HDAC9: variants seen among roughly 807,000 people sequenced by gnomAD.
The protein encoded by HDAC9 is histone deacetylase 9, also known as MEF-2 interacting transcription repressor (MITR) protein.
A neutral mutation model predicts 139.4 loss-of-function variants in HDAC9; 41 were observed. The ratio of observed to expected loss-of-function variants is 0.29; its 90% CI spans 0.23 to 0.38. The LOEUF (loss-of-function observed/expected upper bound fraction) is 0.38. Ranked by LOEUF, HDAC9 falls within the 10% of genes least tolerant of loss-of-function variation. The pLI is 1.00. For synonymous variants in HDAC9, 517 were observed against 476.2 expected (o/e 1.09, Z -1.12); for missense variants, 1,147 against 1,297.0 (o/e 0.88, Z 1.78).
At chr7:18,764,508 G>C (rs1458251711) in intron 15 of HDAC9, among the ~76,000 whole-genome samples, 1 of 152,068 alleles carries the variant, frequency 6.6e-6, no homozygotes, top group African/African-American at 2.4e-5. Flanking sequence ...CAAAAGTTTA[G>C]CTAATTTTTC....
chr7:18,549,152 C>T (rs181453601), intron 2 of HDAC9, among the ~76,000 whole-genome samples: 606 of 152,202 alleles, frequency 4.0e-3, no homozygotes, highest in Non-Finnish European at 6.8e-3. Flanking sequence ...GCAGGAGAAT[C>T]GCTTGGACCT....
At chr7:18,811,636 A>G (rs1585080262) in intron 17 of HDAC9, among the ~76,000 whole-genome samples, 1 of 151,916 alleles carries the variant, frequency 6.6e-6, no homozygotes, top group South Asian at 2.1e-4. Flanking sequence ...GATATTTATA[A>G]TGGTATAATT....
intron 22 of HDAC9, among the ~76,000 whole-genome samples, chr7:18,887,514 T>C (rs1800268936): frequency 6.6e-6 from 1 of 152,196 alleles, no homozygotes; most frequent in Admixed American, 6.5e-5. Context: ...TGGCTAAATA[T>C]AGGGCCATTA....
At chr7:18,292,472 A>G (rs1797870287) in intron 1 of HDAC9, among the ~76,000 whole-genome samples, 1 of 152,170 alleles carries the variant, frequency 6.6e-6, no homozygotes, top group South Asian at 2.1e-4. Context: ...TTCTCTAGTA[A>G]TAGTTTTCCC....
chr7:18,380,631 T>C (rs1052206820), intron 1 of HDAC9, among the ~76,000 whole-genome samples: 1 of 152,200 alleles, frequency 6.6e-6, no homozygotes, highest in Middle Eastern at 3.2e-3. Context: ...AGCGATGGTC[T>C]TCACTGAGCT....
intron 22 of HDAC9, among the ~76,000 whole-genome samples, chr7:18,904,446 C>A (rs974231664): frequency 6.6e-6 from 1 of 151,946 alleles, no homozygotes; most frequent in African/African-American, 2.4e-5. Flanking sequence ...AAATATGTCA[C>A]AGGGATGAAT....
Position 18,299,349 on chromosome 7 carries a change from A to G in HDAC9, c.-42+8834A>G, listed in dbSNP as rs887658624. Among the ~76,000 whole-genome samples the G allele has an allele frequency of 5.9e-5, 9 of 152,084 alleles. No homozygotes were observed. The South Asian group carries it at 8.3e-4, about 14-fold the overall frequency. ...CTTGTTTTGTAAGCGCCTTTGGGTAATGTATTGGAGAGACAAGTAATCTCA... is the reference window on the plus strand; with the variant it reads ...CTTGTTTTGTAAGCGCCTTTGGGTAGTGTATTGGAGAGACAAGTAATCTCA... On this transcript the variant is annotated intron_variant, in intron 1 of 3. Coordinates refer to the HDAC9 transcript ENST00000413509.
intron 25 of HDAC9, among the ~76,000 whole-genome samples, chr7:18,991,069 C>A (rs754700511): frequency 6.6e-6 from 1 of 152,156 alleles, no homozygotes; most frequent in African/African-American, 2.4e-5. Context: ...TGGCTCCTCT[C>A]GATCTTTATT....
At chr7:18,710,652 G>A (rs1275249968) in intron 12 of HDAC9, among the ~76,000 whole-genome samples, 2 of 152,134 alleles carry the variant, frequency 1.3e-5, no homozygotes, top group South Asian at 2.1e-4. Context: ...AATGGTATCC[G>A]TTCATCTAAC....
chr7:18,436,942 G>A lies in HDAC9; in HGVS notation c.-41-59320G>A, dbSNP rs571279432. 4.6e-5 allele frequency among the ~76,000 whole-genome samples: 7 copies of A among 152,302 alleles called. No homozygotes were observed. In the South Asian group the frequency reaches 8.3e-4, roughly 18 times the overall value. On this transcript the variant is annotated intron_variant, in intron 1 of 3. Transcript: ENST00000413509. ...ATAGCATGAATACACATATTATTAAGTAAAGATTCTCTTTAGGATGAAGGT... is the reference window on the plus strand; with the variant it reads ...ATAGCATGAATACACATATTATTAAATAAAGATTCTCTTTAGGATGAAGGT...
intron 2 of HDAC9, among the ~76,000 whole-genome samples, chr7:18,204,994 A>G (rs1791393062): frequency 6.6e-6 from 1 of 152,072 alleles, no homozygotes; most frequent in African/African-American, 2.4e-5. Flanking sequence ...TTAGTGAACT[A>G]ATTTATATGT....
chr7:18,215,279 G>A (rs1792223610), intron 2 of HDAC9, among the ~76,000 whole-genome samples: 1 of 152,132 alleles, frequency 6.6e-6, no homozygotes, highest in African/African-American at 2.4e-5. Flanking sequence ...ATCATTAGAT[G>A]AGAGACATTA....
At chr7:18,209,904 G>A (rs1165072795) in intron 2 of HDAC9, among the ~76,000 whole-genome samples, 1 of 152,030 alleles carries the variant, frequency 6.6e-6, no homozygotes, top group African/African-American at 2.4e-5. Flanking sequence ...GTTTCACCAT[G>A]TTAGCCAGGA....
At chr7:18,454,792 A>G (rs1793195836) in intron 1 of HDAC9, among the ~76,000 whole-genome samples, 1 of 152,052 alleles carries the variant, frequency 6.6e-6, no homozygotes, top group Non-Finnish European at 1.5e-5. Flanking sequence ...ATTTTATTTA[A>G]CTGTTTTGTT....
At chr7:18,201,419 C>T (rs1479484316) in intron 2 of HDAC9, among the ~76,000 whole-genome samples, 3 of 152,184 alleles carry the variant, frequency 2.0e-5, no homozygotes, top group Non-Finnish European at 4.4e-5. Context: ...AATTTTAGAA[C>T]ACATAGTGGA....
Position 19,001,852 on chromosome 7 carries a change from T to G in HDAC9, c.*5790T>G, listed in dbSNP as rs1786767922. ...AAGCAAATATCCTGATATTTTTAAATAAGGTGAGCAGGGCAGGCAGGAAAC... is the reference window on the plus strand; with the variant it reads ...AAGCAAATATCCTGATATTTTTAAAGAAGGTGAGCAGGGCAGGCAGGAAAC... On this transcript the variant is annotated 3_prime_UTR_variant, in exon 26 of 26. Coordinates refer to ENST00000686413, the MANE Select transcript of HDAC9 (RefSeq NM_178425.4). 1 of 152,092 alleles carries G rather than the reference T, an allele frequency of 6.6e-6. No homozygotes were observed. Among genetic ancestry groups the G allele is most frequent in the Admixed American group, 6.5e-5 (1 of 15,268 alleles). The allele number at this position is 152,092 out of a possible 1,614,324, so 9.4% of individuals were successfully genotyped here.
At chr7:18,949,925 A>G (rs540294855) in intron 23 of HDAC9, among the ~76,000 whole-genome samples, 7 of 152,182 alleles carry the variant, frequency 4.6e-5, no homozygotes, top group African/African-American at 1.4e-4. Context: ...ATACACATAC[A>G]TAATTTACAA....
chr7:18,196,855 A>G (rs1360348213), intron 2 of HDAC9, among the ~76,000 whole-genome samples: 9 of 152,290 alleles, frequency 5.9e-5, no homozygotes, highest in Middle Eastern at 3.4e-3. Flanking sequence ...AAGTAAAACC[A>G]TAGTGTGATA....
At chr7:18,950,887 C>G (rs966718753) in intron 23 of HDAC9, among the ~76,000 whole-genome samples, 1 of 151,934 alleles carries the variant, frequency 6.6e-6, no homozygotes, top group Non-Finnish European at 1.5e-5. Context: ...AACAAAAACG[C>G]TAACAAGTCT....
Sources: allele counts gnomAD v4.1 joint callset (sites outside exome capture counted in the v4.1 genomes callset), GRCh38; gene constraint gnomAD v4.1.1; transcripts MANE v1.5; gene names NCBI Gene and HGNC (gene_info 2026-07-23, HGNC 2026-07-21).